SLC12A1: variants seen among roughly 807,000 people sequenced by gnomAD.
SLC12A1 encodes solute carrier family 12 member 1, also known as Na-K-2Cl cotransporter.
Under a neutral mutation model 130.4 loss-of-function variants are expected in SLC12A1, and 89 were observed. That is an observed-to-expected ratio of 0.68 (90% CI 0.58 to 0.81). The LOEUF (loss-of-function observed/expected upper bound fraction) is 0.81. Ranked by LOEUF, SLC12A1 falls within the 40% of genes least tolerant of loss-of-function variation. SLC12A1 has a pLI of 0.00. For missense variants in SLC12A1, 1,310 were observed against 1,336.4 expected, an observed-to-expected ratio of 0.98 and a Z score of 0.31; for synonymous variants, 499 against 460.0, an observed-to-expected ratio of 1.08 and a Z score of -1.09.
In SLC12A1 at chr15:48,267,594, A is replaced by G. The variant is rs1039468028; in HGVS notation, c.2188A>G (p.Ser730Gly). Residue 730 changes from serine to glycine, a missense_variant, in exon 18 of 27, where the codon AGT (serine) becomes GGT (glycine). By Grantham distance (56) the Ser-to-Gly change is moderately conservative. Coordinates refer to ENST00000380993, the MANE Select transcript of SLC12A1 (RefSeq NM_000338.3). ...PRKLCVKEMN[S>G]GMAKKQAWLI... ...CAAACTGTGTGTTAAGGAGATGAAC[A>G]GTGGCATGGCGAAAAAACAGGCCTG... The G allele has an allele frequency of 3.7e-6, 6 of 1,613,512 alleles. No homozygotes were observed. The highest frequency in any genetic ancestry group is 4.5e-5 in the East Asian group (2 of 44,898).
chr15:48,281,743 C>A (rs1333820146), intron 20 of SLC12A1, among the ~76,000 whole-genome samples: 1 of 152,106 alleles, frequency 6.6e-6, no homozygotes, highest in African/African-American at 2.4e-5. Context: ...TTTGTAATTT[C>A]TGAAAATTAA....
At chr15:48,280,707 C>T (rs1268137352) in intron 20 of SLC12A1, among the ~76,000 whole-genome samples, 1 of 151,988 alleles carries the variant, frequency 6.6e-6, no homozygotes, top group Non-Finnish European at 1.5e-5. Context: ...CCCCACTTGC[C>T]TCTCATGCTT....
chr15:48,221,302 G>C (rs1209629110), intron 4 of SLC12A1: 3 of 701,500 alleles, frequency 4.3e-6, no homozygotes, highest in Non-Finnish European at 7.8e-6. Context: ...TATTTGTATT[G>C]GGGGACATAT....
chr15:48,291,160 G>T (rs570406975), intron 23 of SLC12A1, among the ~76,000 whole-genome samples: 38 of 151,444 alleles, frequency 2.5e-4, no homozygotes, highest in African/African-American at 9.2e-4. Flanking sequence ...ATAAACAACT[G>T]GTGAATTTGG....
At chr15:48,291,435 A>G (rs1222681464) in intron 23 of SLC12A1, among the ~76,000 whole-genome samples, 2 of 152,118 alleles carry the variant, frequency 1.3e-5, no homozygotes, top group Non-Finnish European at 2.9e-5. Flanking sequence ...TATCACCAAT[A>G]TAATAGTCCA....
At chr15:48,240,096 T>TATATATATATATCC (rs1567317191) in intron 9 of SLC12A1, among the ~76,000 whole-genome samples, 23 of 124,672 alleles carry the variant, frequency 1.8e-4, no homozygotes, top group East Asian at 1.1e-3. Flanking sequence ...TATATCCATA[T>TATATATATATATCC]ATATATATAT....
At chr15:48,243,843 A>G (rs962393625) in intron 10 of SLC12A1, among the ~76,000 whole-genome samples, 1 of 152,210 alleles carries the variant, frequency 6.6e-6, no homozygotes, top group Non-Finnish European at 1.5e-5. Context: ...AAGCAGTTTT[A>G]TTGGTTGGTA....
chr15:48,241,533 CCCAGAGGAA>C lies in SLC12A1; in HGVS notation c.1238_1246del (p.Arg413_Thr415del). ...TTTAAAGGATCCCCAAGATGCCATC[CCCAGAGGAA>C]CCATGCTGGCCATTTTCATCACCAC... On this transcript the variant is annotated inframe_deletion, in exon 10 of 27. Coordinates refer to ENST00000380993, the MANE Select transcript of SLC12A1 (RefSeq NM_000338.3). 6.2e-7 allele frequency: 1 copy of C among 1,613,506 alleles called. No homozygotes were observed.
chr15:48,269,912 G>A, intron 19 of SLC12A1, 148 bp downstream of exon 19: 1 of 445,282 alleles, frequency 2.2e-6, no homozygotes, highest in Non-Finnish European at 4.0e-6. Flanking sequence ...TTTCCAAGGT[G>A]AAAAAAACAC....
intron 7 of SLC12A1, among the ~76,000 whole-genome samples, chr15:48,232,040 A>G (rs2041386818): frequency 6.6e-6 from 1 of 152,138 alleles, no homozygotes. Context: ...AAAAAACATA[A>G]AAGATTAAAT....
chr15:48,210,044 T>A (rs1249148563), intron 2 of SLC12A1, among the ~76,000 whole-genome samples: 1 of 152,158 alleles, frequency 6.6e-6, no homozygotes, highest in African/African-American at 2.4e-5. Flanking sequence ...CAATTTGAAC[T>A]GTTGAAATCC....
chr15:48,261,847 G>A (rs1024353684), intron 17 of SLC12A1, among the ~76,000 whole-genome samples: 7 of 152,096 alleles, frequency 4.6e-5, no homozygotes, highest in African/African-American at 9.7e-5. Flanking sequence ...CCTATTAGCC[G>A]TGAGTCCCTT....
intron 14 of SLC12A1, among the ~76,000 whole-genome samples, chr15:48,251,118 T>C (rs910727775): frequency 2.0e-5 from 3 of 152,162 alleles, no homozygotes; most frequent in African/African-American, 7.2e-5. Context: ...CACTGTCCTC[T>C]TAGGGTAATG....
chr15:48,226,883 A>C (rs2041296117), intron 5 of SLC12A1: 1 of 594,428 alleles, frequency 1.7e-6, no homozygotes. Flanking sequence ...AACTGATTCC[A>C]GATTTGGCTT....
In SLC12A1 at chr15:48,227,516, A is replaced by G. The variant is rs148357004; in HGVS notation, c.724+945A>G. The G allele has an allele frequency of 6.0e-4, 178 of 296,114 alleles. 1 individual carries two copies. The highest frequency in any genetic ancestry group is 3.2e-3 in the African/African-American group (147 of 45,544). The allele number at this position is 296,114 out of a possible 1,614,324, so 18.3% of individuals were successfully genotyped here. On this transcript the variant is annotated intron_variant, in intron 5 of 26. Transcript: ENST00000380993. ...GTCCTCTCAGCATGGGTCTTCTCCA[A>G]TGCCCCAGATGGCATTGCTGATGAT...
intron 7 of SLC12A1, among the ~76,000 whole-genome samples, chr15:48,231,892 T>C (rs2041384269): frequency 6.6e-6 from 1 of 152,072 alleles, no homozygotes; most frequent in Non-Finnish European, 1.5e-5. Context: ...ATGCCTGTAA[T>C]CCCAGCTACT....
intron 13 of SLC12A1, among the ~76,000 whole-genome samples, chr15:48,248,624 G>A (rs1296526329): frequency 6.6e-6 from 1 of 152,196 alleles, no homozygotes; most frequent in African/African-American, 2.4e-5. Flanking sequence ...TGCATCATTT[G>A]CATCATTGAG....
chr15:48,298,072 T>C (rs1736611634), intron 24 of SLC12A1, among the ~76,000 whole-genome samples: 1 of 152,240 alleles, frequency 6.6e-6, no homozygotes, highest in Admixed American at 6.5e-5. Flanking sequence ...ACAATCCTGC[T>C]CCTTTGTAAT....
rs748033836 is a variant in SLC12A1, at chr15:48,238,195, C to A, written c.1215+3191C>A. On this transcript the variant is annotated intron_variant, in intron 9 of 26. Transcript: ENST00000380993. ...TGGATTCTTTTAACGCTGGTTGTAA[C>A]CTGTCGAATTGATTCCACAGTATAG... Among the ~76,000 whole-genome samples the A allele has an allele frequency of 1.1e-4, 16 of 152,130 alleles. 1 individual carries two copies. Among genetic ancestry groups the A allele is most frequent in the Non-Finnish European group, 2.1e-4 (14 of 68,034 alleles).
Sources: allele counts gnomAD v4.1 joint callset (sites outside exome capture counted in the v4.1 genomes callset), GRCh38; gene constraint gnomAD v4.1.1; transcripts MANE v1.5; gene names NCBI Gene and HGNC (gene_info 2026-07-23, HGNC 2026-07-21).